The following CES5A variants were observed in gnomAD, a reference collection of about 807,000 sequenced individuals.
The protein encoded by CES5A is carboxylesterase 5.
A neutral mutation model predicts 62.9 loss-of-function variants in CES5A; 67 were observed. The ratio of observed to expected loss-of-function variants is 1.07; its 90% confidence interval spans 0.88 to 1.31. The LOEUF (loss-of-function observed/expected upper bound fraction) is 1.31. CES5A is among the 50% of genes most tolerant of loss of function. The probability of loss-of-function intolerance (pLI) is 0.00; values close to 1 mark genes in which losing one functional copy is unlikely to be tolerated. For missense variants in CES5A, 748 were observed against 708.5 expected, an observed-to-expected ratio of 1.06 and a Z score of -0.63; for synonymous variants, 296 against 280.8, an observed-to-expected ratio of 1.05 and a Z score of -0.54.
chr16:55,943,167 T>C (rs2034462005), intron 2 of CES5A, among the ~76,000 whole-genome samples: 1 of 152,234 alleles, frequency 6.6e-6, no homozygotes, highest in Admixed American at 6.5e-5. Context: ...AAATTTTACC[T>C]CAATTTAGTT....
intron 1 of CES5A, among the ~76,000 whole-genome samples, chr16:55,884,062 C>T (rs1270551912): frequency 1.3e-5 from 2 of 152,202 alleles, no homozygotes; most frequent in African/African-American, 4.8e-5. Flanking sequence ...AAATAAACAA[C>T]CATACATCCC....
intron 4 of CES5A, among the ~76,000 whole-genome samples, chr16:55,866,409 T>C (rs1446912487): frequency 2.6e-5 from 4 of 152,124 alleles, no homozygotes; most frequent in African/African-American, 9.7e-5. Flanking sequence ...CCATGAATCC[T>C]GTGTTGCCCA....
intron 2 of CES5A, among the ~76,000 whole-genome samples, chr16:55,940,613 T>A (rs116481185): frequency 0.027 from 4,070 of 151,802 alleles, 137 homozygotes; most frequent in East Asian, 0.1. Context: ...GAAGAAAAAA[T>A]AATAATTCTA....
chr16:55,891,190 C>A (rs755640469), intron 1 of CES5A, among the ~76,000 whole-genome samples: 25 of 152,144 alleles, frequency 1.6e-4, no homozygotes, highest in Non-Finnish European at 3.2e-4. Context: ...TGTGGTCTAA[C>A]CCTAGCCAAT....
chr16:55,863,609 G>A (rs1180812039), intron 5 of CES5A, among the ~76,000 whole-genome samples, 157 bp from the exon 6 acceptor site: 1 of 152,170 alleles, frequency 6.6e-6, no homozygotes, highest in East Asian at 1.9e-4. Flanking sequence ...GACTAGCTGT[G>A]AAGGTTTGGG....
chr16:55,933,677 A>G (rs974589934), intron 2 of CES5A, among the ~76,000 whole-genome samples: 1 of 152,260 alleles, frequency 6.6e-6, no homozygotes, highest in East Asian at 1.9e-4. Context: ...GTATATACAT[A>G]TATACACATA....
intron 2 of CES5A, among the ~76,000 whole-genome samples, chr16:55,949,099 C>T (rs540301029): frequency 7.9e-5 from 12 of 152,254 alleles, no homozygotes; most frequent in South Asian, 4.1e-4. Context: ...CTCTGATACA[C>T]GTAATAATTC....
intron 1 of CES5A, among the ~76,000 whole-genome samples, chr16:55,895,994 C>T (rs994523492): frequency 1.3e-5 from 2 of 152,112 alleles, no homozygotes; most frequent in Admixed American, 1.3e-4. Flanking sequence ...AGTTTAGCTT[C>T]CTCAGTTTCT....
At position 55,924,711 on chromosome 16, in the gene CES5A, A is replaced by G. The variant is rs144436408; in HGVS notation, c.-256+612T>C. 1.2e-3 allele frequency among the ~76,000 whole-genome samples: 182 copies of G among 152,262 alleles called. 1 individual carries two copies. The highest frequency in any genetic ancestry group is 3.7e-3 in the African/African-American group (154 of 41,586). ...GTAACTAAATCAGCGTGCTACTGGC[A>G]TAAGAATAGACACATAGACCAATGA... On this transcript the variant is annotated intron_variant, in intron 1 of 12. Transcript: ENST00000518005.
intron 1 of CES5A, among the ~76,000 whole-genome samples, chr16:55,888,881 AC>A (rs1165118332): frequency 6.6e-6 from 1 of 152,202 alleles, no homozygotes; most frequent in African/African-American, 2.4e-5. Context: ...GGCCTTTCCC[AC>A]CAAGGTATGA....
At chr16:55,865,255 A>G (rs570573137) in intron 5 of CES5A, among the ~76,000 whole-genome samples, 70 of 152,320 alleles carry the variant, frequency 4.6e-4, no homozygotes, top group Non-Finnish European at 8.7e-4. Flanking sequence ...ATGTATATAT[A>G]TAAAATACAC....
intron 11 of CES5A, among the ~76,000 whole-genome samples, chr16:55,849,082 A>T (rs1386839605): frequency 1.3e-5 from 2 of 152,114 alleles, no homozygotes; most frequent in Non-Finnish European, 2.9e-5. Flanking sequence ...CTTCCCTGTA[A>T]TTTTTTTCTA....
chr16:55,951,395 G>T (rs2034555784), intron 1 of CES5A, among the ~76,000 whole-genome samples: 1 of 152,050 alleles, frequency 6.6e-6, no homozygotes, highest in African/African-American at 2.4e-5. Context: ...ATATCAATAT[G>T]TCTCTTAAAA....
intron 1 of CES5A, among the ~76,000 whole-genome samples, chr16:55,897,882 A>C (rs1370171334): frequency 1.3e-5 from 2 of 152,266 alleles, no homozygotes; most frequent in Non-Finnish European, 2.9e-5. Flanking sequence ...GTGGAACGCT[A>C]TACAGCAATG....
chr16:55,955,997 A>G, exon 1 of CES5A: 5 of 1,192,840 alleles, frequency 4.2e-6, no homozygotes, highest in Non-Finnish European at 5.9e-6. Flanking sequence ...AGAAAAGTCA[A>G]ATGAGTTCAC....
chr16:55,902,897 A>T (rs1307511701), intron 1 of CES5A, among the ~76,000 whole-genome samples: 4 of 152,188 alleles, frequency 2.6e-5, no homozygotes, highest in Non-Finnish European at 5.9e-5. Flanking sequence ...TGAGTTTGCC[A>T]GACTGGAGAA....
chr16:55,861,466 G>A lies in CES5A; in HGVS notation c.861C>T (p.Ala287=). 6.2e-7 allele frequency: 1 copy of A among 1,613,928 alleles called. No homozygotes were observed. The highest frequency in any genetic ancestry group is 8.5e-7 in the Non-Finnish European group (1 of 1,179,860). Residue 287 remains alanine, a synonymous_variant, in exon 7 of 13, where the codon GCC becomes GCT. Coordinates refer to ENST00000290567, the MANE Select transcript of CES5A (RefSeq NM_001143685.2). Reference sequence around the variant, plus strand: ...GTTTTGTCCTCAGGCACCTCAGCAGGGCCTCAGAGTCTGACGCATTGTTAC... The same window carrying A: ...GTTTTGTCCTCAGGCACCTCAGCAGAGCCTCAGAGTCTGACGCATTGTTAC... ...FCGNNASDSE[A]LLRCLRTKPS...
At chr16:55,882,163 G>T (rs942156409) in intron 1 of CES5A, among the ~76,000 whole-genome samples, 1 of 152,062 alleles carries the variant, frequency 6.6e-6, no homozygotes, top group Non-Finnish European at 1.5e-5. Context: ...TTGTTTTAAG[G>T]AGTCTGGGTC....
At chr16:55,939,030 C>A (rs113691359) in intron 2 of CES5A, among the ~76,000 whole-genome samples, 1 of 151,564 alleles carries the variant, frequency 6.6e-6, no homozygotes, top group African/African-American at 2.4e-5. Context: ...GATCTATGTG[C>A]TTTGGCAAGC....
Sources: allele counts gnomAD v4.1 joint callset (sites outside exome capture counted in the v4.1 genomes callset), GRCh38; gene constraint gnomAD v4.1.1; transcripts MANE v1.5; gene names NCBI Gene and HGNC (gene_info 2026-07-23, HGNC 2026-07-21).